Variants in CLCN3 observed in about 807,000 individuals in gnomAD.
CLCN3 encodes the protein Cl-/H+ antiporter 3.
A neutral mutation model predicts 83.4 loss-of-function variants in CLCN3; 16 were observed. The observed-to-expected ratio is 0.19, with a 90% CI of 0.13 to 0.29. The LOEUF (loss-of-function observed/expected upper bound fraction) is 0.29. Ranked by LOEUF, CLCN3 falls within the 10% of genes least tolerant of loss-of-function variation. The probability of loss-of-function intolerance (pLI) is 1.00; values close to 1 mark genes in which losing one functional copy is unlikely to be tolerated. For missense variants in CLCN3, 544 were observed against 1,006.0 expected (o/e 0.54, Z 6.21); for synonymous variants, 322 against 346.2 (o/e 0.93, Z 0.78).
chr4:169,632,396 CA>C (rs1158637838), intron 1 of CLCN3, among the ~76,000 whole-genome samples: 1 of 152,034 alleles, frequency 6.6e-6, no homozygotes, highest in Non-Finnish European at 1.5e-5. Flanking sequence ...AAATCAAAAC[CA>C]CAGTGAGACA....
intron 1 of CLCN3, among the ~76,000 whole-genome samples, chr4:169,630,126 A>C (rs1253398386): frequency 6.6e-6 from 1 of 152,192 alleles, no homozygotes; most frequent in Admixed American, 6.5e-5. Context: ...TAGGAGAGTT[A>C]ATTCTTTTTT....
chr4:169,652,953 T>G (rs1162937003), intron 2 of CLCN3, among the ~76,000 whole-genome samples: 1 of 152,206 alleles, frequency 6.6e-6, no homozygotes, highest in African/African-American at 2.4e-5. Context: ...TCTTACAGAT[T>G]TGTAGAAGTT....
intron 2 of CLCN3, among the ~76,000 whole-genome samples, chr4:169,679,394 C>T (rs1731832686): frequency 6.6e-6 from 1 of 151,256 alleles, no homozygotes. Flanking sequence ...AGAGGTGCTC[C>T]TCACTTCCTA....
chr4:169,655,135 T>G (rs1214844658), intron 2 of CLCN3, among the ~76,000 whole-genome samples: 1 of 152,190 alleles, frequency 6.6e-6, no homozygotes, highest in African/African-American at 2.4e-5. Flanking sequence ...ACTCCCAATA[T>G]TCTTTGGATT....
chr4:169,625,919 C>T (rs1480852483), intron 1 of CLCN3, among the ~76,000 whole-genome samples: 1 of 152,206 alleles, frequency 6.6e-6, no homozygotes, highest in Non-Finnish European at 1.5e-5. Context: ...CCCACAGCAA[C>T]CAACCAGTTA....
intron 2 of CLCN3, among the ~76,000 whole-genome samples, chr4:169,645,730 C>A (rs1362611546): frequency 6.6e-6 from 1 of 152,076 alleles, no homozygotes; most frequent in Non-Finnish European, 1.5e-5. Flanking sequence ...ATTCCAATAC[C>A]AAGTAGTGCT....
chr4:169,677,274 T>C (rs1425341494), intron 2 of CLCN3, among the ~76,000 whole-genome samples: 1 of 152,198 alleles, frequency 6.6e-6, no homozygotes, highest in South Asian at 2.1e-4. Context: ...TAAAGTCTGC[T>C]GTACAGACTT....
intron 12 of CLCN3, among the ~76,000 whole-genome samples, chr4:169,716,325 T>C (rs1428359112): frequency 1.3e-5 from 2 of 152,196 alleles, no homozygotes; most frequent in African/African-American, 4.8e-5. Flanking sequence ...TATACATTTG[T>C]AACCTTCCTC....
At chr4:169,704,710 G>A (rs1167717703) in intron 10 of CLCN3, among the ~76,000 whole-genome samples, 2 of 152,104 alleles carry the variant, frequency 1.3e-5, no homozygotes, top group Non-Finnish European at 2.9e-5. Flanking sequence ...GAGAAGAAAA[G>A]CAAAATACCT....
chr4:169,651,582 A>C (rs1730732821), intron 2 of CLCN3, among the ~76,000 whole-genome samples: 1 of 152,140 alleles, frequency 6.6e-6, no homozygotes, highest in Non-Finnish European at 1.5e-5. Context: ...AATTGTCTGT[A>C]GATTACTTAT....
At chr4:169,709,837 A>G (rs532492435) in intron 11 of CLCN3, among the ~76,000 whole-genome samples, 107 of 152,310 alleles carry the variant, frequency 7.0e-4, no homozygotes, top group African/African-American at 2.5e-3. Context: ...AATGAGTAGC[A>G]TCAAAAATAT....
chr4:169,672,590 A>T (rs1731515852), intron 2 of CLCN3, among the ~76,000 whole-genome samples: 1 of 152,172 alleles, frequency 6.6e-6, no homozygotes, highest in African/African-American at 2.4e-5. Context: ...TGCTTTTAAA[A>T]AATTTTAACA....
At chr4:169,680,232 T>C in intron 3 of CLCN3, 25 bp downstream of exon 3, 1 of 1,568,496 alleles carries the variant, frequency 6.4e-7, no homozygotes, top group Non-Finnish European at 8.7e-7. Flanking sequence ...TAAAAATTTT[T>C]AAAAACATAG....
chr4:169,622,452 G>A (rs13111072), intron 1 of CLCN3, among the ~76,000 whole-genome samples: 1 of 152,146 alleles, frequency 6.6e-6, no homozygotes, highest in Non-Finnish European at 1.5e-5. Context: ...TTATATCAAA[G>A]CAGTATCCTG....
intron 2 of CLCN3, among the ~76,000 whole-genome samples, chr4:169,649,249 A>G (rs1730665706): frequency 6.6e-6 from 1 of 152,180 alleles, no homozygotes. Context: ...AATGATAACT[A>G]GAAAGCGAGG....
intron 2 of CLCN3, among the ~76,000 whole-genome samples, chr4:169,679,006 C>G (rs1459851048): frequency 6.6e-6 from 1 of 151,904 alleles, no homozygotes; most frequent in Non-Finnish European, 1.5e-5. Flanking sequence ...AGGCGCCCCC[C>G]ACCTCCCAGA....
intron 9 of CLCN3, among the ~76,000 whole-genome samples, chr4:169,703,740 C>G (rs900453580): frequency 6.6e-6 from 1 of 151,256 alleles, no homozygotes; most frequent in African/African-American, 2.4e-5. Flanking sequence ...TTAGGGCACC[C>G]TTGAGCTACC....
chr4:169,640,827 TTGAC>T (rs1400268712), intron 2 of CLCN3, among the ~76,000 whole-genome samples: 18 of 152,316 alleles, frequency 1.2e-4, no homozygotes, highest in South Asian at 2.1e-4. Flanking sequence ...GTTATTGAGA[TTGAC>T]TGATGGGGTA....
At chr4:169,705,279 G>A (rs1308809434) in intron 10 of CLCN3, among the ~76,000 whole-genome samples, 2 of 152,200 alleles carry the variant, frequency 1.3e-5, no homozygotes, top group Non-Finnish European at 2.9e-5. Context: ...AGGCTTTGAA[G>A]AAATTGACTC....
Sources: allele counts gnomAD v4.1 joint callset (sites outside exome capture counted in the v4.1 genomes callset), GRCh38; gene constraint gnomAD v4.1.1; transcripts MANE v1.5; gene names NCBI Gene and HGNC (gene_info 2026-07-23, HGNC 2026-07-21).